OSCP1: variants seen among roughly 807,000 people sequenced by gnomAD.
OSCP1 encodes the protein organic solute carrier partner 1, also known as protein OSCP1.
OSCP1 carries 35 observed loss-of-function variants against 45.1 expected under a neutral mutation model. The ratio of observed to expected loss-of-function variants is 0.78; its 90% confidence interval spans 0.59 to 1.03. The LOEUF is 1.03. Ranked by LOEUF, OSCP1 falls within the 50% of genes least tolerant of loss-of-function variation. OSCP1 has a pLI of 0.00. For missense variants in OSCP1, 400 were observed against 470.7 expected (o/e 0.85, Z 1.39); for synonymous variants, 179 against 180.1 (o/e 0.99, Z 0.05).
At chr1:36,429,977 T>G (rs2124786921) in intron 4 of OSCP1, among the ~76,000 whole-genome samples, 1 of 152,248 alleles carries the variant, frequency 6.6e-6, no homozygotes, top group East Asian at 1.9e-4. Flanking sequence ...TTTTGTATTT[T>G]TAGTAGAGAC....
intron 9 of OSCP1, 197 bp from the exon 10 acceptor site, chr1:36,418,452 GTA>G: frequency 1.7e-6 from 1 of 604,728 alleles, no homozygotes; most frequent in South Asian, 2.0e-5. Context: ...TAATCAACAT[GTA>G]TGTGACCAAG....
In OSCP1 at chr1:36,418,238, C is replaced by A. The variant is rs1229854981; in HGVS notation, c.1041G>T (p.Glu347Asp). 6.2e-7 allele frequency: 1 copy of A among 1,614,178 alleles called. No individual in the cohort carries two copies. Among genetic ancestry groups the A allele is most frequent in the Non-Finnish European group, 8.5e-7 (1 of 1,180,026 alleles). The change falls in exon 10 of 10, where the codon GAG becomes GAT. Residue 347 changes from glutamate to aspartate, a missense_variant. Transcript: ENST00000235532. ...ACTCCCCCATGATTCGAGCCAGCTC[C>A]TCGCTCCGTTGCTGGTCCTATGAGG... ...IQATQDQQRS[E>D]ELARIMGEFE...
intron 1 of OSCP1, 67 bp downstream of exon 1, chr1:36,450,191 T>C: frequency 1.5e-6 from 2 of 1,319,562 alleles, no homozygotes; most frequent in South Asian, 1.2e-5. Context: ...CTGTGGGTGT[T>C]AGGGCGATGA....
At chr1:36,441,090 G>A (rs534111216) in intron 1 of OSCP1, 3 of 152,364 alleles carry the variant, frequency 2.0e-5, no homozygotes, top group East Asian at 3.9e-4. Flanking sequence ...AAGCTCTGGA[G>A]CACCATGGCT....
chr1:36,423,309 T>C (rs915670125), intron 5 of OSCP1, 54 bp downstream of exon 5: 5 of 1,358,994 alleles, frequency 3.7e-6, no homozygotes, highest in Non-Finnish European at 4.2e-6. Context: ...GTGCGGCCCA[T>C]GTGCTGATTT....
intron 7 of OSCP1, 124 bp from the exon 8 acceptor site, chr1:36,420,739 G>A (rs764678475): frequency 1.7e-5 from 22 of 1,328,986 alleles, no homozygotes; most frequent in Non-Finnish European, 2.2e-5. Context: ...TTATTTCTGG[G>A]TCCAAATAAA....
At chr1:36,432,685 C>A in intron 2 of OSCP1, 96 bp from the exon 3 acceptor site, 2 of 1,451,044 alleles carry the variant, frequency 1.4e-6, no homozygotes, top group Non-Finnish European at 1.9e-6. Context: ...TACTGAAAAC[C>A]AACTCTGGGC....
At chr1:36,430,689 C>T (rs1648304148) in intron 4 of OSCP1, among the ~76,000 whole-genome samples, 1 of 152,346 alleles carries the variant, frequency 6.6e-6, no homozygotes, top group South Asian at 2.1e-4. Context: ...GAGTCTCCCT[C>T]TGTCGCCCAA....
chr1:36,450,212 G>A (rs1649815224), intron 1 of OSCP1, 46 bp downstream of exon 1: 3 of 1,506,846 alleles, frequency 2.0e-6, no homozygotes, highest in East Asian at 4.5e-5. Context: ...TGAGAGGGCC[G>A]GGCTGCTGGC....
chr1:36,419,977 CTTTT>C (rs56851568), intron 8 of OSCP1, among the ~76,000 whole-genome samples: 3 of 136,238 alleles, frequency 2.2e-5, no homozygotes, highest in Admixed American at 1.5e-4. Context: ...CACACCGTCT[CTTTT>C]TTTTTTTTTT....
At chr1:36,419,333 A>G (rs1021761680) in intron 8 of OSCP1, 14 of 465,226 alleles carry the variant, frequency 3.0e-5, no homozygotes, top group South Asian at 9.5e-5. Flanking sequence ...AGCTCCTTCA[A>G]TCTGCCAGTG....
Position 36,432,590 on chromosome 1 carries a change from C to T in OSCP1, c.268-1G>A, listed in dbSNP as rs1022619709. The T allele has an allele frequency of 6.2e-7, 1 of 1,614,166 alleles. No individual in the cohort carries two copies. On this transcript the variant is annotated splice_acceptor_variant, in intron 2 of 9. Coordinates refer to ENST00000235532, the MANE Select transcript of OSCP1 (RefSeq NM_145047.5). LOFTEE classifies it high-confidence loss of function. Reference sequence around the variant, plus strand: ...AAGCCATGGTCATCAGGTCATAGAGCTGCCAACCCACACACAAGCAAAAGA... The same window carrying T: ...AAGCCATGGTCATCAGGTCATAGAGTTGCCAACCCACACACAAGCAAAAGA...
At chr1:36,436,283 T>G (rs1385455663) in intron 2 of OSCP1, among the ~76,000 whole-genome samples, 1 of 151,354 alleles carries the variant, frequency 6.6e-6, no homozygotes, top group Non-Finnish European at 1.5e-5. Context: ...TTTTTTTTTT[T>G]GTATTTTTAG....
intron 4 of OSCP1, among the ~76,000 whole-genome samples, chr1:36,430,789 G>C (rs1439275495): frequency 2.0e-5 from 3 of 152,102 alleles, no homozygotes; most frequent in Non-Finnish European, 4.4e-5. Context: ...TGAGTAGCTG[G>C]GACTACAGGT....
At chr1:36,422,291 A>G in intron 6 of OSCP1, 72 bp from the exon 7 acceptor site, 3 of 1,375,348 alleles carry the variant, frequency 2.2e-6, no homozygotes, top group Non-Finnish European at 3.1e-6. Flanking sequence ...TCGTAAGCAT[A>G]GTTTGTAGCT....
intron 1 of OSCP1, among the ~76,000 whole-genome samples, chr1:36,445,858 G>A (rs890585475): frequency 5.9e-5 from 9 of 151,914 alleles, no homozygotes; most frequent in African/African-American, 1.9e-4. Flanking sequence ...GGGATTACAG[G>A]CACCTGCCAT....
At chr1:36,422,693 C>T in intron 6 of OSCP1, 75 bp downstream of exon 6, 3 of 1,293,244 alleles carry the variant, frequency 2.3e-6, no homozygotes, top group Non-Finnish European at 3.1e-6. Context: ...AGAAGTCTGG[C>T]TGTTTCTCTT....
At chr1:36,428,543 A>G in intron 4 of OSCP1, 1 of 1,495,190 alleles carries the variant, frequency 6.7e-7, no homozygotes, top group Non-Finnish European at 8.9e-7. Context: ...AAAATTAGGT[A>G]TTATAATTTT....
chr1:36,450,393 G>A lies in OSCP1; in HGVS notation c.-24C>T, dbSNP rs371410461. 21 of 1,598,724 alleles carry A rather than the reference G, an allele frequency of 1.3e-5. No homozygotes were observed. The East Asian group carries it at 3.1e-4, about 24-fold the overall frequency. On this transcript the variant is annotated 5_prime_UTR_variant, in exon 1 of 10. Transcript: ENST00000235532. Reference sequence around the variant, plus strand: ...ATGGTGCTGGAAACGAGCTGGACTGGTGAAGAGCCCCGGGGTTCGGTAGCC... The same window carrying A: ...ATGGTGCTGGAAACGAGCTGGACTGATGAAGAGCCCCGGGGTTCGGTAGCC...
Sources: gnomAD v4.1 joint callset for allele counts (sites outside exome capture counted in the v4.1 genomes callset) on GRCh38, gnomAD v4.1.1 for gene constraint, MANE v1.5 for transcripts, NCBI Gene and HGNC (gene_info 2026-07-23, HGNC 2026-07-21) for gene names.